TMPRSS11E: variants seen among roughly 807,000 people sequenced by gnomAD.
The protein encoded by TMPRSS11E is transmembrane serine protease 11E, also known as transmembrane protease serine 11E.
In TMPRSS11E, 38 loss-of-function variants were observed where a neutral mutation model predicts 48.1. The ratio of observed to expected loss-of-function variants is 0.79; its 90% CI spans 0.61 to 1.04. The LOEUF is 1.04. Among genes scored for constraint, TMPRSS11E ranks in the 50% least tolerant of loss-of-function variants. The pLI is 0.00. For missense variants in TMPRSS11E, 530 were observed against 510.8 expected (o/e 1.04, Z -0.36); for synonymous variants, 158 against 171.9 (o/e 0.92, Z 0.63).
At chr4:68,492,412 T>C (rs1729752299) in intron 9 of TMPRSS11E, among the ~76,000 whole-genome samples, 1 of 152,236 alleles carries the variant, frequency 6.6e-6, no homozygotes. Flanking sequence ...CTGTGCCTTT[T>C]TGTTTCAGTT....
intron 9 of TMPRSS11E, among the ~76,000 whole-genome samples, chr4:68,488,351 A>G (rs1578145511): frequency 1.3e-5 from 2 of 152,260 alleles, no homozygotes; most frequent in Admixed American, 1.3e-4. Flanking sequence ...GATTTTGTTC[A>G]TTAAAGAATA....
Position 68,476,396 on chromosome 4 carries a change from T to C in TMPRSS11E, c.665T>C (p.Ile222Thr), listed in dbSNP as rs1256754218. 2 of 1,613,814 alleles carry C rather than the reference T, an allele frequency of 1.2e-6. No individual in the cohort carries two copies. The highest frequency in any genetic ancestry group is 2.7e-5 in the African/African-American group (2 of 74,928). ...DGSHRCGATL[I>T]NATWLVSAAH... is the part of the protein sequence containing the mutation. ...AGTCATCGCTGTGGAGCAACCTTAA[T>C]TAATGCCACATGGCTTGTGAGTGCT... The change falls in exon 7 of 10, where the codon ATT (isoleucine) becomes ACT (threonine). Residue 222 changes from isoleucine to threonine, a missense_variant. By Grantham distance (89) the Ile-to-Thr change is moderately conservative. Transcript: ENST00000305363.
chr4:68,449,394 A>T (rs1265527194), intron 1 of TMPRSS11E, among the ~76,000 whole-genome samples: 1 of 151,778 alleles, frequency 6.6e-6, no homozygotes, highest in Non-Finnish European at 1.5e-5. Flanking sequence ...ATTTATCAGC[A>T]ACCACTGAGA....
In TMPRSS11E at chr4:68,468,867, T is replaced by C. The variant is rs1728989815; in HGVS notation, c.259-12T>C. 6.4e-7 allele frequency: 1 copy of C among 1,567,424 alleles called. No individual in the cohort carries two copies. The highest frequency in any genetic ancestry group is 8.8e-7 in the Non-Finnish European group (1 of 1,138,410). On this transcript the variant is annotated splice_polypyrimidine_tract_variant and intron_variant, in intron 3 of 9. Transcript: ENST00000305363. Reference sequence around the variant, plus strand: ...GTTCTTGCTGATATATTTTGAATATTTTTACAAACAGGTGAAAAATGCATT... The same window carrying C: ...GTTCTTGCTGATATATTTTGAATATCTTTACAAACAGGTGAAAAATGCATT...
At chr4:68,473,025 A>G (rs1175686250) in intron 5 of TMPRSS11E, among the ~76,000 whole-genome samples, 2 of 152,114 alleles carry the variant, frequency 1.3e-5, no homozygotes, top group African/African-American at 2.4e-5. Context: ...CGTAGCTTAT[A>G]CATACATGTT....
chr4:68,482,794 G>A (rs554128548), intron 9 of TMPRSS11E, among the ~76,000 whole-genome samples: 76 of 151,894 alleles, frequency 5.0e-4, no homozygotes, highest in African/African-American at 1.8e-3. Flanking sequence ...AAAGTCTGAA[G>A]TCCAAAGTCT....
At chr4:68,475,605 C>G (rs1013922742) in intron 6 of TMPRSS11E, among the ~76,000 whole-genome samples, 2 of 152,146 alleles carry the variant, frequency 1.3e-5, no homozygotes, top group Non-Finnish European at 2.9e-5. Context: ...ATATCTCTAC[C>G]TGAAGCACCT....
intron 8 of TMPRSS11E, 139 bp from the exon 9 acceptor site, chr4:68,478,710 C>A: frequency 1.2e-6 from 1 of 859,646 alleles, no homozygotes; most frequent in Non-Finnish European, 1.8e-6. Context: ...CAATCTCGGC[C>A]TCTCAAAGTG....
At chr4:68,471,723 G>T in intron 5 of TMPRSS11E, 100 bp downstream of exon 5, 1 of 836,730 alleles carries the variant, frequency 1.2e-6, no homozygotes. Flanking sequence ...TTTAATTCTG[G>T]GGTCTTGCCA....
chr4:68,474,720 C>T lies in TMPRSS11E; in HGVS notation c.491-3C>T. On this transcript the variant is annotated splice_polypyrimidine_tract_variant and splice_region_variant and intron_variant, in intron 5 of 9. Transcript: ENST00000305363. ...CCCTATTTGCCATTTCTGTGTGTTT[C>T]AGAAATCAACAAGACAGAAACAGAC... The T allele has an allele frequency of 6.2e-7, 1 of 1,606,560 alleles. No individual in the cohort carries two copies. The highest frequency in any genetic ancestry group is 8.5e-7 in the Non-Finnish European group (1 of 1,177,284).
intron 9 of TMPRSS11E, among the ~76,000 whole-genome samples, chr4:68,485,435 C>T (rs1421384013): frequency 2.0e-5 from 3 of 152,152 alleles, no homozygotes; most frequent in African/African-American, 7.2e-5. Context: ...GCATGAGCCA[C>T]CGTGCCCAGC....
Position 68,461,956 on chromosome 4 carries a change from G to C in TMPRSS11E, c.136+11G>C. On this transcript the variant is annotated intron_variant, in intron 2 of 9. Transcript: ENST00000305363. ...ATTATGTGAGATATAGTAAGTATAA[G>C]CTGCCTTGGCATCATGTGATTTACC... 6.2e-7 allele frequency: 1 copy of C among 1,614,012 alleles called. No individual in the cohort carries two copies. Among genetic ancestry groups the C allele is most frequent in the Non-Finnish European group, 8.5e-7 (1 of 1,179,918 alleles).
chr4:68,454,884 T>G (rs995813024), intron 1 of TMPRSS11E, among the ~76,000 whole-genome samples: 1 of 151,944 alleles, frequency 6.6e-6, no homozygotes, highest in Non-Finnish European at 1.5e-5. Context: ...GATGCTTGTA[T>G]GCAATGTGTA....
chr4:68,476,825 G>T (rs909680562), intron 7 of TMPRSS11E, among the ~76,000 whole-genome samples: 1 of 152,026 alleles, frequency 6.6e-6, no homozygotes, highest in African/African-American at 2.4e-5. Flanking sequence ...GTAAGAAAAA[G>T]AATTAAATAC....
intron 9 of TMPRSS11E, among the ~76,000 whole-genome samples, chr4:68,483,683 G>A (rs3109119): frequency 0.66 from 100,504 of 151,978 alleles, 33,607 homozygotes; most frequent in East Asian, 0.86. Flanking sequence ...TTGCTTTTAG[G>A]GTCTTTGTTA....
intron 9 of TMPRSS11E, among the ~76,000 whole-genome samples, chr4:68,489,680 T>C (rs1377582507): frequency 6.6e-6 from 1 of 152,190 alleles, no homozygotes; most frequent in Non-Finnish European, 1.5e-5. Flanking sequence ...GCCATCAAAA[T>C]AGCAATGGCT....
chr4:68,455,527 AT>A (rs1195355861), intron 1 of TMPRSS11E, among the ~76,000 whole-genome samples: 2 of 151,936 alleles, frequency 1.3e-5, no homozygotes, highest in African/African-American at 4.8e-5. Context: ...CCATTCTATC[AT>A]GCAAACTTTC....
chr4:68,484,333 G>A (rs1365071715), intron 9 of TMPRSS11E, among the ~76,000 whole-genome samples: 1 of 151,990 alleles, frequency 6.6e-6, no homozygotes. Flanking sequence ...TTGAGACAAG[G>A]TCTTACCCTG....
At chr4:68,470,295 A>AT (rs1319542798) in intron 4 of TMPRSS11E, among the ~76,000 whole-genome samples, 1 of 151,912 alleles carries the variant, frequency 6.6e-6, no homozygotes, top group Admixed American at 6.6e-5. Context: ...GGAAACTTAG[A>AT]TATAGGGAAA....
Sources: gnomAD v4.1 joint callset for allele counts (sites outside exome capture counted in the v4.1 genomes callset) on GRCh38, gnomAD v4.1.1 for gene constraint, MANE v1.5 for transcripts, NCBI Gene and HGNC (gene_info 2026-07-23, HGNC 2026-07-21) for gene names.